The following CELF2 variants were observed in gnomAD, a reference collection of about 807,000 sequenced individuals.
CELF2 encodes CUG triplet repeat RNA-binding protein 2.
A neutral mutation model predicts 62.6 loss-of-function variants in CELF2; 8 were observed. The observed-to-expected ratio is 0.13, with a 90% CI of 0.07 to 0.23. The LOEUF (loss-of-function observed/expected upper bound fraction) is 0.23. CELF2 is among the 10% of genes least tolerant of loss of function. The probability of loss-of-function intolerance (pLI) is 1.00; values close to 1 mark genes in which losing one functional copy is unlikely to be tolerated. For synonymous variants in CELF2, 258 were observed against 250.0 expected, an observed-to-expected ratio of 1.03 and a Z score of -0.30; for missense variants, 333 against 671.0, an observed-to-expected ratio of 0.50 and a Z score of 5.56.
At chr10:10,603,368 C>T in the CELF2 span, among the ~76,000 whole-genome samples, 7 of 151,944 alleles carry the variant, frequency 4.6e-5, no homozygotes, top group Admixed American at 2.6e-4. Flanking sequence ...CCATATATTT[C>T]GCATTTCTAG....
Position 11,269,541 on chromosome 10 carries a change from A to C in CELF2, c.619-1125A>C, listed in dbSNP as rs2083141537. Among the ~76,000 whole-genome samples the C allele has an allele frequency of 6.6e-6, 1 of 152,218 alleles. No individual in the cohort carries two copies. Among genetic ancestry groups the C allele is most frequent in the African/African-American group, 2.4e-5 (1 of 41,460 alleles). ...GAGAGAGAGGTCTATTATCATGCTG[A>C]GTTTCAATAAAAGTTTTTATTTTAA... On this transcript the variant is annotated intron_variant, in intron 6 of 12. Transcript: ENST00000633077. This position sits in a 1 kb window ranked among gnomAD's most constrained non-coding sequence, Gnocchi z 4.4.
the CELF2 span, among the ~76,000 whole-genome samples, chr10:10,465,894 C>T: frequency 6.6e-6 from 1 of 151,970 alleles, no homozygotes; most frequent in South Asian, 2.1e-4. Flanking sequence ...TATACCTGCC[C>T]CATGATTTTA....
intron 2 of CELF2, among the ~76,000 whole-genome samples, chr10:11,167,282 T>C (rs1474803363): frequency 1.3e-5 from 2 of 152,300 alleles, no homozygotes; most frequent in Middle Eastern, 3.4e-3. Context: ...AATTAATAAA[T>C]TTAAAAATCA....
intron 1 of CELF2, among the ~76,000 whole-genome samples, chr10:10,910,072 A>G (rs1182527134): frequency 6.6e-6 from 1 of 152,248 alleles, no homozygotes; most frequent in Non-Finnish European, 1.5e-5. Context: ...TATCAAGAGT[A>G]GAGATGATTT....
At chr10:10,629,351 T>G in the CELF2 span, among the ~76,000 whole-genome samples, 7 of 152,182 alleles carry the variant, frequency 4.6e-5, no homozygotes, top group African/African-American at 1.4e-4. Context: ...AGTTAAGATT[T>G]TTTTCCCATA....
rs1357869538 is a variant in CELF2 at position 11,220,954 on chromosome 10, GA to G, written c.354+3449del. Reference sequence around the variant, plus strand: ...AGGGGGCCTCTAGCTAATCTAGCTGGAAGGGTGGACAGTAGACAGGTAGTTA... The same window carrying G: ...AGGGGGCCTCTAGCTAATCTAGCTGGAGGGTGGACAGTAGACAGGTAGTTA... On this transcript the variant is annotated intron_variant, in intron 3 of 12. Transcript: ENST00000633077. This position sits in a 1 kb window ranked among gnomAD's most constrained non-coding sequence, Gnocchi z 4.4. Among the ~76,000 whole-genome samples the G allele has an allele frequency of 6.6e-6, 1 of 152,248 alleles. No homozygotes were observed. Among genetic ancestry groups the G allele is most frequent in the Non-Finnish European group, 1.5e-5 (1 of 68,038 alleles).
intron 2 of CELF2, among the ~76,000 whole-genome samples, chr10:11,174,052 TA>T (rs2070029454): frequency 6.6e-6 from 1 of 152,150 alleles, no homozygotes; most frequent in African/African-American, 2.4e-5. Context: ...TGATGTATAT[TA>T]GGTATAATAC....
the CELF2 span, among the ~76,000 whole-genome samples, chr10:10,537,045 A>G: frequency 6.6e-6 from 1 of 152,130 alleles, no homozygotes; most frequent in Admixed American, 6.5e-5. Context: ...TGCTTCAACA[A>G]AATGCCACTG....
At chr10:11,053,306 A>T (rs1329543905) in intron 1 of CELF2, among the ~76,000 whole-genome samples, 1 of 152,178 alleles carries the variant, frequency 6.6e-6, no homozygotes, top group Non-Finnish European at 1.5e-5. Flanking sequence ...ATCTTCAGTG[A>T]AGTAGACAGA....
chr10:10,664,724 T>C, the CELF2 span, among the ~76,000 whole-genome samples: 2 of 152,162 alleles, frequency 1.3e-5, no homozygotes, highest in South Asian at 4.1e-4. Context: ...GTAAGAGAAA[T>C]TTTGTGTTTG....
chr10:10,788,806 T>C, the CELF2 span, among the ~76,000 whole-genome samples: 1 of 152,122 alleles, frequency 6.6e-6, no homozygotes, highest in Non-Finnish European at 1.5e-5. Context: ...AGTATGAATG[T>C]TGGAAGTCAA....
At chr10:11,029,650 A>T (rs939318858) in intron 1 of CELF2, among the ~76,000 whole-genome samples, 1 of 152,226 alleles carries the variant, frequency 6.6e-6, no homozygotes, top group East Asian at 1.9e-4. Context: ...GCCTTTGGCA[A>T]TATCAAAGAT....
chr10:10,644,722 A>G, the CELF2 span, among the ~76,000 whole-genome samples: 24 of 152,218 alleles, frequency 1.6e-4, no homozygotes, highest in East Asian at 4.2e-3. Flanking sequence ...CAAAGGCCCT[A>G]TTTTAGCCCC....
In CELF2 at chr10:11,224,577, GGAGGTGAGCCAT is replaced by G. The variant is rs1463034689; in HGVS notation, c.354+7073_354+7084del. Among the ~76,000 whole-genome samples the G allele has an allele frequency of 2.6e-5, 4 of 152,158 alleles. No homozygotes were observed. The highest frequency in any genetic ancestry group is 5.9e-5 in the Non-Finnish European group (4 of 68,048). Reference sequence around the variant, plus strand: ...AGGTCTGCATGGAATTACAGAGGAAGGAGGTGAGCCATGATAATCAAATGATGAAAGGAGAAG... The same window carrying G: ...AGGTCTGCATGGAATTACAGAGGAAGGATAATCAAATGATGAAAGGAGAAG... On this transcript the variant is annotated intron_variant, in intron 3 of 12. Coordinates refer to ENST00000633077, the MANE Select transcript of CELF2 (RefSeq NM_001326342.2). This position sits in a 1 kb window ranked among gnomAD's most constrained non-coding sequence, Gnocchi z 4.5.
chr10:11,105,831 C>T (rs1052793008), intron 1 of CELF2, among the ~76,000 whole-genome samples: 1 of 152,202 alleles, frequency 6.6e-6, no homozygotes, highest in African/African-American at 2.4e-5. Flanking sequence ...AGATTCTGCT[C>T]CAGTCTCCAC....
chr10:10,901,225 G>A (rs2062916775), intron 1 of CELF2, among the ~76,000 whole-genome samples: 1 of 152,204 alleles, frequency 6.6e-6, no homozygotes, highest in Non-Finnish European at 1.5e-5. Flanking sequence ...AACGTTGACA[G>A]AGAAAAACAA....
intron 1 of CELF2, among the ~76,000 whole-genome samples, chr10:10,819,893 G>A (rs1469292974): frequency 1.3e-5 from 2 of 151,972 alleles, no homozygotes; most frequent in Non-Finnish European, 2.9e-5. Context: ...GGGCATTTGA[G>A]CTTGCATCCC....
At chr10:11,003,622 A>G (rs2054743998), upstream of CELF2, among the ~76,000 whole-genome samples, 1 of 152,142 alleles carries the variant, frequency 6.6e-6, no homozygotes, top group Non-Finnish European at 1.5e-5. This position sits in a 1 kb window ranked among gnomAD's most constrained non-coding sequence, Gnocchi z 4.4. Flanking sequence ...AGAGCCACAG[A>G]GAGGTTAAGA....
At chr10:10,797,252 C>G (rs2054195569), upstream of CELF2, among the ~76,000 whole-genome samples, 1 of 152,140 alleles carries the variant, frequency 6.6e-6, no homozygotes, top group Admixed American at 6.5e-5. Context: ...CTGATGCTTT[C>G]AAGTAACAAG....
Sources: gnomAD v4.1 joint callset for allele counts (sites outside exome capture counted in the v4.1 genomes callset) on GRCh38, gnomAD v4.1.1 for gene constraint, Gnocchi (gnomAD v3.1) non-coding constraint, MANE v1.5 for transcripts, NCBI Gene and HGNC (gene_info 2026-07-23, HGNC 2026-07-21) for gene names.